Variants in DHX35 observed in about 807,000 individuals in gnomAD.
DHX35 encodes DEAH-box helicase 35, also known as probable ATP-dependent RNA helicase DHX35.
In DHX35, 84 loss-of-function variants were observed where a neutral mutation model predicts 99.6. The ratio of observed to expected loss-of-function variants is 0.84; its 90% CI spans 0.71 to 1.01. The LOEUF is 1.01. Ranked by LOEUF, DHX35 falls within the 50% of genes least tolerant of loss-of-function variation. The probability of loss-of-function intolerance (pLI) is 0.00; values close to 1 mark genes in which losing one functional copy is unlikely to be tolerated. For missense variants in DHX35, 852 were observed against 888.5 expected (o/e 0.96, Z 0.52); for synonymous variants, 331 against 316.2 (o/e 1.05, Z -0.50).
intron 8 of DHX35, among the ~76,000 whole-genome samples, chr20:38,996,708 C>T (rs1454120724): frequency 2.0e-5 from 3 of 152,164 alleles, no homozygotes; most frequent in African/African-American, 7.2e-5. Flanking sequence ...CTTACCATAG[C>T]GAAGGTAAAT....
intron 21 of DHX35, among the ~76,000 whole-genome samples, chr20:39,034,993 C>G (rs1446871729): frequency 6.6e-6 from 1 of 152,026 alleles, no homozygotes. Flanking sequence ...TAACTGGGCT[C>G]AAGTGGTGCT....
chr20:39,025,462 TCTGTACCAACA>T, intron 18 of DHX35, 103 bp downstream of exon 18: 1 of 1,401,594 alleles, frequency 7.1e-7, no homozygotes, highest in Non-Finnish European at 9.7e-7. Context: ...TGTGGCGTGC[TCTGTACCAACA>T]CTGGGTTTTA....
At chr20:39,006,465 C>A in intron 12 of DHX35, 109 bp downstream of exon 12, 1 of 1,200,212 alleles carries the variant, frequency 8.3e-7, no homozygotes, top group Non-Finnish European at 1.2e-6. Flanking sequence ...AAATACAGGC[C>A]TTCCTCACAA....
At chr20:38,982,194 T>C (rs1268151846) in intron 3 of DHX35, among the ~76,000 whole-genome samples, 3 of 152,014 alleles carry the variant, frequency 2.0e-5, no homozygotes, top group Admixed American at 2.0e-4. Context: ...TATTTATAAC[T>C]TCTCTGCAAC....
intron 5 of DHX35, among the ~76,000 whole-genome samples, chr20:38,991,078 T>C (rs1294261311): frequency 2.0e-5 from 3 of 152,224 alleles, no homozygotes; most frequent in Non-Finnish European, 4.4e-5. Flanking sequence ...CTATAGTCTT[T>C]GGGACATTTG....
At chr20:39,038,203 G>GGA (rs1416462790) in intron 21 of DHX35, among the ~76,000 whole-genome samples, 1 of 152,218 alleles carries the variant, frequency 6.6e-6, no homozygotes, top group Non-Finnish European at 1.5e-5. Flanking sequence ...TGGGGCAGAG[G>GGA]GAGAGTCGTG....
chr20:38,995,606 C>T (rs888278670), intron 8 of DHX35, among the ~76,000 whole-genome samples: 2 of 152,082 alleles, frequency 1.3e-5, no homozygotes, highest in Non-Finnish European at 2.9e-5. Flanking sequence ...TTATTTTTCT[C>T]TCTTGTGGAC....
At chr20:38,982,227 A>G (rs2145856780) in intron 3 of DHX35, among the ~76,000 whole-genome samples, 1 of 152,282 alleles carries the variant, frequency 6.6e-6, no homozygotes, top group Middle Eastern at 3.4e-3. Flanking sequence ...AGTCCTTATC[A>G]TCTACAGTAT....
intron 21 of DHX35, among the ~76,000 whole-genome samples, chr20:39,036,200 G>A (rs2087148001): frequency 6.6e-6 from 1 of 152,188 alleles, no homozygotes; most frequent in Non-Finnish European, 1.5e-5. Flanking sequence ...TAGACTCTTG[G>A]AAACAGAATT....
intron 9 of DHX35, 111 bp from the exon 10 acceptor site, chr20:39,002,661 T>G (rs2086540432): frequency 2.5e-6 from 2 of 803,438 alleles, no homozygotes; most frequent in Non-Finnish European, 4.1e-6. Context: ...AATTACCTAC[T>G]GGGCAGGCCC....
At position 39,032,451 on chromosome 20, in the gene DHX35, C is replaced by T. The variant is rs376881013; in HGVS notation, c.1955+1676C>T. On this transcript the variant is annotated intron_variant, in intron 20 of 21. Coordinates refer to ENST00000252011, the MANE Select transcript of DHX35 (RefSeq NM_021931.4). ...CCTCCCAAAGTGCTGGGATTACAGGCGTGAGCCACTGTGCCTGGCCCAGAT... is the reference window on the plus strand; with the variant it reads ...CCTCCCAAAGTGCTGGGATTACAGGTGTGAGCCACTGTGCCTGGCCCAGAT... 1.2e-4 allele frequency among the ~76,000 whole-genome samples: 18 copies of T among 152,244 alleles called. No homozygotes were observed. In the South Asian group the frequency reaches 2.9e-3, roughly 25 times the overall value.
rs144886741 is a variant in DHX35, at chr20:39,000,683, G to A, written c.643-1047G>A. ...ATGCCATTCGTTAGCACAGCTCCTG[G>A]GCTCCTGGGTTTCCTGGAGCAGGAT... On this transcript the variant is annotated intron_variant, in intron 8 of 21. Transcript: ENST00000252011. Among the ~76,000 whole-genome samples the A allele has an allele frequency of 1.7e-3, 264 of 152,182 alleles. 1 individual carries two copies. The highest frequency in any genetic ancestry group is 6.0e-3 in the African/African-American group (249 of 41,492).
chr20:38,969,047 C>G (rs1264875083), intron 1 of DHX35, 34 bp from the exon 2 acceptor site: 1 of 1,567,698 alleles, frequency 6.4e-7, no homozygotes, highest in Admixed American at 1.9e-5. Flanking sequence ...TTCATTGTAT[C>G]AGAGAATCTG....
intron 3 of DHX35, among the ~76,000 whole-genome samples, chr20:38,982,391 GTTCTT>G (rs1352380846): frequency 6.6e-6 from 1 of 152,172 alleles, no homozygotes; most frequent in Non-Finnish European, 1.5e-5. Flanking sequence ...CCTTAGGTAA[GTTCTT>G]TTCTTCTCCA....
chr20:39,038,794 C>T lies in DHX35; in HGVS notation c.*251C>T. ...GCAGCGGGCAGAGTGGGAGTTGGCT[C>T]ACTCAGCACGCTCACTAACCCAGCA... On this transcript the variant is annotated 3_prime_UTR_variant, in exon 22 of 22. Coordinates refer to ENST00000252011, the MANE Select transcript of DHX35 (RefSeq NM_021931.4). 1.8e-6 allele frequency: 1 copy of T among 553,226 alleles called. No individual in the cohort carries two copies. Among genetic ancestry groups the T allele is most frequent in the East Asian group, 3.1e-5 (1 of 32,446 alleles). The allele number at this position is 553,226 out of a possible 1,614,324, so 34.3% of individuals were successfully genotyped here.
chr20:39,031,651 T>A (rs1198803145), intron 20 of DHX35, among the ~76,000 whole-genome samples: 1 of 152,186 alleles, frequency 6.6e-6, no homozygotes, highest in African/African-American at 2.4e-5. Context: ...CCCACAGTTT[T>A]GACATAGGGA....
rs772588648 is a variant in DHX35, at chr20:38,969,164, T to C, written c.124T>C (p.Tyr42His). Residue 42 changes from tyrosine (Y) to histidine (H), a missense_variant, in exon 2 of 22, where the codon TAT becomes CAT. Physicochemically the swap from Tyr to His is moderately conservative, Grantham distance 83. Transcript: ENST00000252011. ...NSGTTVVYNP[Y>H]AALSIEQQRQ... is the part of the protein sequence containing the mutation. Reference sequence around the variant, plus strand: ...TGGGACAACGGTTGTTTACAACCCTTATGCTGCCCTTTCCATAGAGCAGCA... The same window carrying C: ...TGGGACAACGGTTGTTTACAACCCTCATGCTGCCCTTTCCATAGAGCAGCA... 1.9e-6 allele frequency: 3 copies of C among 1,613,934 alleles called. No individual in the cohort carries two copies. In the South Asian group the frequency reaches 3.3e-5, roughly 18 times the overall value.
chr20:38,978,332 A>C, intron 3 of DHX35: 1 of 752,574 alleles, frequency 1.3e-6, no homozygotes, highest in Non-Finnish European at 2.4e-6. Flanking sequence ...TCCACCTTAA[A>C]GTGATCATCT....
intron 14 of DHX35, among the ~76,000 whole-genome samples, 187 bp downstream of exon 14, chr20:39,015,121 A>G (rs1046667966): frequency 1.3e-5 from 2 of 152,204 alleles, no homozygotes; most frequent in Non-Finnish European, 2.9e-5. Context: ...CATGAAAGCT[A>G]ATTATGACAG....
Sources: allele counts gnomAD v4.1 joint callset (sites outside exome capture counted in the v4.1 genomes callset), GRCh38; gene constraint gnomAD v4.1.1; transcripts MANE v1.5; gene names NCBI Gene and HGNC (gene_info 2026-07-23, HGNC 2026-07-21).